The following CRYBG3 variants were observed in gnomAD, a reference collection of about 807,000 sequenced individuals.
CRYBG3 encodes the protein very large A-kinase anchor protein.
A neutral mutation model predicts 244.2 loss-of-function variants in CRYBG3; 127 were observed. The observed-to-expected ratio is 0.52, with a 90% CI of 0.45 to 0.60. The LOEUF (loss-of-function observed/expected upper bound fraction) is 0.60. Ranked by LOEUF, CRYBG3 falls within the 20% of genes least tolerant of loss-of-function variation. The pLI is 0.00. For synonymous variants in CRYBG3, 1,132 were observed against 1,195.8 expected (o/e 0.95, Z 1.10); for missense variants, 3,325 against 3,442.5 (o/e 0.97, Z 0.85).
intron 15 of CRYBG3, among the ~76,000 whole-genome samples, chr3:97,908,325 C>T (rs549559341): frequency 6.6e-6 from 1 of 152,288 alleles, no homozygotes; most frequent in South Asian, 2.1e-4. Flanking sequence ...TCTCGTTGAT[C>T]TGTCTAATGT....
At chr3:97,841,192 G>GTGTATATATGTATATA (rs148896217) in intron 1 of CRYBG3, among the ~76,000 whole-genome samples, 6 of 145,910 alleles carry the variant, frequency 4.1e-5, no homozygotes, top group Admixed American at 6.7e-5. Context: ...TCATATATGT[G>GTGTATATATGTATATA]TGTATATATG....
chr3:97,872,978 G>C lies in CRYBG3; in HGVS notation c.1784G>C (p.Ser595Thr). The change falls in exon 4 of 22, where the codon AGT (serine) becomes ACT (threonine). Residue 595 changes from serine (S) to threonine (T), a missense_variant. This residue lies in a region of CRYBG3 where 1,526 missense variants were observed against 1,443.2 expected (regional missense o/e 1.06). Coordinates refer to ENST00000389622, the MANE Select transcript of CRYBG3 (RefSeq NM_153605.4). ...KKDLASLNYISESAVVASLGN... is the reference protein window; with the variant it reads ...KKDLASLNYITESAVVASLGN... ...GACCTGGCCTCTTTAAATTACATCA[G>C]TGAATCAGCAGTTGTAGCAAGCTTA... is the stretch of plus-strand genomic sequence containing the variant. 1.3e-6 allele frequency: 2 copies of C among 1,535,640 alleles called. No individual in the cohort carries two copies. Among genetic ancestry groups the C allele is most frequent in the Non-Finnish European group, 1.7e-6 (2 of 1,146,760 alleles).
At chr3:97,829,609 T>C (rs547257444) in intron 1 of CRYBG3, among the ~76,000 whole-genome samples, 1 of 152,364 alleles carries the variant, frequency 6.6e-6, no homozygotes, top group South Asian at 2.1e-4. Context: ...AAGTCACATA[T>C]GAAAATGCTT....
intron 2 of CRYBG3, among the ~76,000 whole-genome samples, chr3:97,861,950 C>T (rs941822790): frequency 9.1e-4 from 138 of 151,944 alleles, no homozygotes; most frequent in African/African-American, 3.2e-3. Flanking sequence ...GTTTTAATTA[C>T]GAATACGCAT....
Position 97,897,992 on chromosome 3 carries a change from G to A in CRYBG3, c.7702-891G>A, listed in dbSNP as rs189180999. 4.1e-3 allele frequency among the ~76,000 whole-genome samples: 629 copies of A among 151,936 alleles called. 5 individuals are homozygous for A. The highest frequency in any genetic ancestry group is 6.8e-3 in the Non-Finnish European group (462 of 67,960). On this transcript the variant is annotated intron_variant, in intron 12 of 21. Coordinates refer to ENST00000389622, the MANE Select transcript of CRYBG3 (RefSeq NM_153605.4). ...TCCCAGCACTTTGGGAGGCTGAGGC[G>A]GGTGGATCACGAGGTCAGGAGATCG...
At chr3:97,834,159 A>G (rs2038696286) in intron 1 of CRYBG3, among the ~76,000 whole-genome samples, 2 of 152,264 alleles carry the variant, frequency 1.3e-5, no homozygotes, top group South Asian at 4.1e-4. Flanking sequence ...CATCCAAACC[A>G]TAGCACTTGC....
chr3:97,822,776 G>A (rs1047090937), intron 1 of CRYBG3, among the ~76,000 whole-genome samples: 5 of 152,256 alleles, frequency 3.3e-5, no homozygotes, highest in African/African-American at 4.8e-5. Flanking sequence ...TCGGCCAGGG[G>A]AATTGGGGGC....
At chr3:97,893,063 C>A in intron 11 of CRYBG3, 70 bp downstream of exon 11, 1 of 1,336,676 alleles carries the variant, frequency 7.5e-7, no homozygotes, top group Non-Finnish European at 1.0e-6. Flanking sequence ...ATGTGCTAAG[C>A]AAAGCAAAAA....
chr3:97,933,356 A>G (rs2040119484), intron 17 of CRYBG3: 4 of 368,668 alleles, frequency 1.1e-5, no homozygotes, highest in Non-Finnish European at 2.1e-5. Context: ...TTCTGTTGCC[A>G]GCTAAAAGCA....
intron 15 of CRYBG3, among the ~76,000 whole-genome samples, chr3:97,904,741 T>C (rs1242640564): frequency 6.6e-6 from 1 of 151,450 alleles, no homozygotes; most frequent in Admixed American, 6.6e-5. Flanking sequence ...ATAATCTTTT[T>C]TTTATTATTA....
intron 18 of CRYBG3, among the ~76,000 whole-genome samples, chr3:97,936,139 C>T (rs1156788899): frequency 1.3e-5 from 2 of 152,110 alleles, no homozygotes; most frequent in African/African-American, 2.4e-5. Flanking sequence ...AGTGCAAGAG[C>T]AGCCGTAGGC....
chr3:97,867,852 T>A (rs2039253857), intron 3 of CRYBG3, among the ~76,000 whole-genome samples: 1 of 152,224 alleles, frequency 6.6e-6, no homozygotes, highest in Admixed American at 6.5e-5. Context: ...TTCCTCCTAT[T>A]GTTAAATACA....
At chr3:97,886,877 A>G in intron 8 of CRYBG3, 110 bp downstream of exon 8, 1 of 939,852 alleles carries the variant, frequency 1.1e-6, no homozygotes. Flanking sequence ...ACTCTCAGTC[A>G]CCCAAGAAAG....
Position 97,875,953 on chromosome 3 carries a change from C to T in CRYBG3, c.4759C>T (p.Pro1587Ser). The T allele has an allele frequency of 2.4e-6, 3 of 1,231,948 alleles. No homozygotes were observed. Among genetic ancestry groups the T allele is most frequent in the Non-Finnish European group, 3.0e-6 (3 of 987,922 alleles). The allele number at this position is 1,231,948 out of a possible 1,614,324, so 76.3% of individuals were successfully genotyped here. Residue 1587 changes from proline (P) to serine (S), a missense_variant, in exon 4 of 22, where the codon CCA becomes TCA. Coordinates refer to ENST00000389622, the MANE Select transcript of CRYBG3 (RefSeq NM_153605.4). Reference sequence around the variant, plus strand: ...TGAATTGAATGTCACGAAAACTGAGCCAAAAGCTAATGTTTTTAAAATGGG... The same window carrying T: ...TGAATTGAATGTCACGAAAACTGAGTCAAAAGCTAATGTTTTTAAAATGGG... ...DAELNVTKTE[P>S]KANVFKMGEV...
intron 1 of CRYBG3, among the ~76,000 whole-genome samples, chr3:97,835,348 G>A (rs773550219): frequency 6.6e-6 from 1 of 152,048 alleles, no homozygotes; most frequent in Non-Finnish European, 1.5e-5. Context: ...TCTAGGTAGG[G>A]TGGATATGAA....
chr3:97,826,033 A>C (rs1329492728), intron 1 of CRYBG3, among the ~76,000 whole-genome samples: 2 of 152,254 alleles, frequency 1.3e-5, no homozygotes, highest in African/African-American at 4.8e-5. Flanking sequence ...TCAGCAGTTC[A>C]TGCCTTCAGT....
Position 97,877,549 on chromosome 3 carries a change from C to A in CRYBG3, c.6355C>A (p.Gln2119Lys). 1 of 1,614,044 alleles carries A rather than the reference C, an allele frequency of 6.2e-7. No individual in the cohort carries two copies. ...CAGGAAATCAAGAGACAGTGAAAACCAGTCCTCTTCTGTTTTATCCCTTCT... is the reference window on the plus strand; with the variant it reads ...CAGGAAATCAAGAGACAGTGAAAACAAGTCCTCTTCTGTTTTATCCCTTCT... ...GPRKSRDSEN[Q>K]SSSVLSLLQS... The change falls in exon 4 of 22, where the codon CAG becomes AAG. Residue 2119 changes from glutamine (Q) to lysine (K), a missense_variant. By Grantham distance (53) the Gln-to-Lys change is moderately conservative. This residue lies in a region of CRYBG3 where 450 missense variants were observed against 424.1 expected (regional missense o/e 1.06). Transcript: ENST00000389622.
chr3:97,876,955 C>T lies in CRYBG3; in HGVS notation c.5761C>T (p.His1921Tyr), dbSNP rs2039382385. 1 of 1,503,694 alleles carries T rather than the reference C, an allele frequency of 6.7e-7. No individual in the cohort carries two copies. Among genetic ancestry groups the T allele is most frequent in the South Asian group, 1.4e-5 (1 of 70,442 alleles). 93.1% of individuals were successfully genotyped at this position (1,503,694 alleles called of 1,614,324 possible). Residue 1921 changes from histidine to tyrosine, a missense_variant, in exon 4 of 22, where the codon CAT (histidine) becomes TAT (tyrosine). Physicochemically the swap from His to Tyr is moderately conservative, Grantham distance 83. Coordinates refer to ENST00000389622, the MANE Select transcript of CRYBG3 (RefSeq NM_153605.4). ...AGAAATAAAGGAAGGCTTGATAGCA[C>T]ATGAAAATAGACTTCCTACATATTT... The part of the protein sequence containing the change: ...PTEIKEGLIA[H>Y]ENRLPTYFRG...
At chr3:97,910,291 T>C (rs886071986) in intron 15 of CRYBG3, among the ~76,000 whole-genome samples, 7 of 152,188 alleles carry the variant, frequency 4.6e-5, no homozygotes, top group African/African-American at 7.2e-5. Flanking sequence ...TCGAGCTTCC[T>C]GGCTGCTTTG....
Sources: allele counts gnomAD v4.1 joint callset (sites outside exome capture counted in the v4.1 genomes callset), GRCh38; gene constraint gnomAD v4.1.1; regional missense constraint gnomAD v4.1.1; transcripts MANE v1.5; gene names NCBI Gene and HGNC (gene_info 2026-07-23, HGNC 2026-07-21).